Variants in SGCZ observed in about 807,000 individuals in gnomAD.
SGCZ encodes zeta-sarcoglycan.
A neutral mutation model predicts 41.3 loss-of-function variants in SGCZ; 40 were observed. That is an observed-to-expected ratio of 0.97 (90% CI 0.75 to 1.26). SGCZ has a LOEUF of 1.26. Among genes scored for constraint, SGCZ ranks in the 50% most tolerant of loss-of-function variants. SGCZ has a pLI of 0.00. For synonymous variants in SGCZ, 206 were observed against 137.5 expected (o/e 1.50, Z -3.49); for missense variants, 552 against 369.8 (o/e 1.49, Z -4.04).
chr8:14,426,123 G>T (rs965231532), intron 2 of SGCZ, among the ~76,000 whole-genome samples: 2 of 152,004 alleles, frequency 1.3e-5, no homozygotes. Context: ...TCTATTCCAG[G>T]TACCATTCTG....
intron 2 of SGCZ, among the ~76,000 whole-genome samples, chr8:14,505,552 A>C (rs1802281024): frequency 6.6e-6 from 1 of 152,156 alleles, no homozygotes; most frequent in Admixed American, 6.5e-5. Context: ...CAAATCACAT[A>C]ATCTCAGCTT....
At chr8:15,025,987 AC>A (rs1187696216) in intron 1 of SGCZ, among the ~76,000 whole-genome samples, 1 of 152,176 alleles carries the variant, frequency 6.6e-6, no homozygotes, top group Non-Finnish European at 1.5e-5. Context: ...AGTCTGATAC[AC>A]CTAGTTTTAA....
intron 3 of SGCZ, among the ~76,000 whole-genome samples, chr8:14,316,722 T>C (rs990497064): frequency 1.3e-5 from 2 of 151,806 alleles, no homozygotes; most frequent in African/African-American, 4.8e-5. Context: ...TCTTCAATAT[T>C]AGAGTGCCCA....
At chr8:14,410,950 G>C (rs1017147178) in intron 2 of SGCZ, among the ~76,000 whole-genome samples, 3 of 151,850 alleles carry the variant, frequency 2.0e-5, no homozygotes, top group East Asian at 1.9e-4. Flanking sequence ...TTTCTTCAAC[G>C]TTTTTTCTTT....
At chr8:15,184,808 G>C (rs1039242648) in intron 1 of SGCZ, among the ~76,000 whole-genome samples, 72 of 152,120 alleles carry the variant, frequency 4.7e-4, no homozygotes, top group African/African-American at 1.7e-3. Flanking sequence ...CTGCAGCCTT[G>C]TAATGGCTTC....
intron 1 of SGCZ, among the ~76,000 whole-genome samples, chr8:14,975,873 TAC>T (rs10542601): frequency 0.5 from 70,548 of 140,918 alleles, 17,884 homozygotes; most frequent in African/African-American, 0.57. Flanking sequence ...AGAAAAATTT[TAC>T]ACACACACAC....
At chr8:14,295,470 T>C (rs1417606515) in intron 3 of SGCZ, among the ~76,000 whole-genome samples, 3 of 152,184 alleles carry the variant, frequency 2.0e-5, no homozygotes, top group Non-Finnish European at 2.9e-5. Context: ...CCATAATCAT[T>C]CCTTTTAAAA....
intron 1 of SGCZ, among the ~76,000 whole-genome samples, chr8:15,100,769 C>T (rs1013203605): frequency 9.2e-5 from 14 of 152,046 alleles, no homozygotes; most frequent in Admixed American, 8.5e-4. Context: ...AATCACTTAA[C>T]CCCAGAAATT....
intron 1 of SGCZ, among the ~76,000 whole-genome samples, chr8:14,821,780 A>G (rs1408414550): frequency 1.3e-5 from 2 of 152,132 alleles, no homozygotes; most frequent in African/African-American, 4.8e-5. Context: ...TCATGAAAAA[A>G]AATTATCAAC....
At chr8:14,405,474 C>A (rs1359891260) in intron 2 of SGCZ, among the ~76,000 whole-genome samples, 2 of 152,048 alleles carry the variant, frequency 1.3e-5, no homozygotes, top group African/African-American at 4.8e-5. Context: ...TGCACATCAT[C>A]GGTTATTTAA....
chr8:15,040,424 G>A (rs1391441775), intron 1 of SGCZ, among the ~76,000 whole-genome samples: 1 of 152,066 alleles, frequency 6.6e-6, no homozygotes, highest in Non-Finnish European at 1.5e-5. Flanking sequence ...GAGCAGCCTG[G>A]TCAACATGCT....
At chr8:14,978,519 G>C (rs1177758869) in intron 1 of SGCZ, among the ~76,000 whole-genome samples, 1 of 133,864 alleles carries the variant, frequency 7.5e-6, no homozygotes, top group African/African-American at 2.9e-5. Flanking sequence ...GTATCTGCTT[G>C]CATTTGGTGT....
At chr8:14,498,894 G>A (rs1426070437) in intron 2 of SGCZ, among the ~76,000 whole-genome samples, 2 of 151,384 alleles carry the variant, frequency 1.3e-5, no homozygotes, top group Non-Finnish European at 3.0e-5. Flanking sequence ...AGGACATTTC[G>A]ATGTCTTAGT....
intron 2 of SGCZ, among the ~76,000 whole-genome samples, chr8:14,546,622 G>C (rs1043885543): frequency 6.6e-6 from 1 of 152,028 alleles, no homozygotes; most frequent in African/African-American, 2.4e-5. Context: ...TGAGAGATTA[G>C]GTACATTCTT....
intron 3 of SGCZ, among the ~76,000 whole-genome samples, chr8:14,276,322 G>A (rs951299339): frequency 6.6e-6 from 1 of 152,096 alleles, no homozygotes; most frequent in Non-Finnish European, 1.5e-5. Flanking sequence ...GCTTCTTAGG[G>A]ATCTTATAGC....
intron 5 of SGCZ, among the ~76,000 whole-genome samples, chr8:14,146,429 G>C (rs1459411732): frequency 6.6e-6 from 1 of 152,088 alleles, no homozygotes; most frequent in African/African-American, 2.4e-5. Flanking sequence ...TGTCTTAGAA[G>C]AAATGCTAAA....
intron 2 of SGCZ, among the ~76,000 whole-genome samples, chr8:14,503,625 G>A (rs549457775): frequency 6.6e-6 from 1 of 151,926 alleles, no homozygotes; most frequent in Non-Finnish European, 1.5e-5. Flanking sequence ...AAAATTAGCT[G>A]GGCGTGGTGG....
chr8:14,937,833 G>T (rs955536773), intron 1 of SGCZ, among the ~76,000 whole-genome samples: 2 of 151,872 alleles, frequency 1.3e-5, no homozygotes, highest in Non-Finnish European at 2.9e-5. Context: ...AATATATGTT[G>T]AACAATCAGG....
chr8:14,573,243 G>T (rs1209745579), intron 1 of SGCZ, among the ~76,000 whole-genome samples: 1 of 134,748 alleles, frequency 7.4e-6, no homozygotes, highest in Admixed American at 8.5e-5. Flanking sequence ...TGTCGCCCAG[G>T]CTGGAGTGCA....
Sources: allele counts gnomAD v4.1 joint callset (sites outside exome capture counted in the v4.1 genomes callset), GRCh38; gene constraint gnomAD v4.1.1; transcripts MANE v1.5; gene names NCBI Gene and HGNC (gene_info 2026-07-23, HGNC 2026-07-21).